Variants in SPATA31D1 observed in about 807,000 individuals in gnomAD.
The protein encoded by SPATA31D1 is spermatogenesis-associated protein 31D1.
Under a neutral mutation model 13.2 loss-of-function variants are expected in SPATA31D1, and 6 were observed. The observed-to-expected ratio is 0.46, with a 90% CI of 0.25 to 0.90. SPATA31D1 has a LOEUF of 0.90. Among genes scored for constraint, SPATA31D1 ranks in the 40% least tolerant of loss-of-function variants. The probability of loss-of-function intolerance (pLI) is 0.18; values close to 1 mark genes in which losing one functional copy is unlikely to be tolerated. For missense variants in SPATA31D1, 2,445 were observed against 1,884.7 expected (o/e 1.30, Z -5.50); for synonymous variants, 903 against 718.8 (o/e 1.26, Z -4.10).
At chr9:81,988,399 T>G (rs943883395), upstream of SPATA31D1, among the ~76,000 whole-genome samples, 6 of 152,218 alleles carry the variant, frequency 3.9e-5, no homozygotes, top group Non-Finnish European at 1.5e-5. Flanking sequence ...TGAGGACATA[T>G]GTGATCCTGA....
At chr9:81,987,407 C>T (rs148654411), upstream of SPATA31D1, among the ~76,000 whole-genome samples, 26 of 152,314 alleles carry the variant, frequency 1.7e-4, no homozygotes, top group Admixed American at 1.4e-3. Flanking sequence ...TGAAAACCCA[C>T]TCATAACTGC....
chr9:81,991,506 A>G lies in SPATA31D1; in HGVS notation c.1036A>G (p.Ile346Val). ...CACCTCTGCCCCAACAATCAAAGGC[A>G]TTGACCATTCACACCTTGCATCTTC... ...SSTSAPTIKG[I>V]DHSHLASSEF... Residue 346 changes from isoleucine (I) to valine (V), a missense_variant, in exon 4 of 4, where the codon ATT (isoleucine) becomes GTT (valine). Transcript: ENST00000344803. The G allele has an allele frequency of 1.2e-5, 20 of 1,614,028 alleles. No individual in the cohort carries two copies. The highest frequency in any genetic ancestry group is 1.7e-5 in the Non-Finnish European group (20 of 1,179,900).
At position 81,994,408 on chromosome 9, in the gene SPATA31D1, C is replaced by A; in HGVS notation, c.3938C>A (p.Thr1313Lys). 8.1e-6 allele frequency: 13 copies of A among 1,613,848 alleles called. No individual in the cohort carries two copies. The highest frequency in any genetic ancestry group is 1.1e-5 in the Non-Finnish European group (13 of 1,179,836). ...GATGGAGGGGATGCAGGGCTGGGGA[C>A]ATCCCAACGCAGGAGAAAGAGCCTC... ...ELDGGDAGLG[T>K]SQRRRKSLPV... The change falls in exon 4 of 4, where the codon ACA (threonine) becomes AAA (lysine). Residue 1313 changes from threonine (T) to lysine (K), a missense_variant. Coordinates refer to ENST00000344803, the MANE Select transcript of SPATA31D1 (RefSeq NM_001001670.3).
rs1824929313 is a variant in SPATA31D1, at chr9:81,990,473, T to G, written c.289T>G (p.Ser97Ala). 1 of 1,606,434 alleles carries G rather than the reference T, an allele frequency of 6.2e-7. No individual in the cohort carries two copies. Among genetic ancestry groups the G allele is most frequent in the Non-Finnish European group, 8.5e-7 (1 of 1,176,206 alleles). Residue 97 changes from serine to alanine, a missense_variant, in exon 3 of 4, where the codon TCT becomes GCT. Coordinates refer to ENST00000344803, the MANE Select transcript of SPATA31D1 (RefSeq NM_001001670.3). ...AGAGGAAGAGGAAAGGAAGCTGCTTTCTCTTCTGAAAAGGTGATTAATCTT... is the reference window on the plus strand; with the variant it reads ...AGAGGAAGAGGAAAGGAAGCTGCTTGCTCTTCTGAAAAGGTGATTAATCTT... ...REEEEERKLLSLLKSFGPPVS... is the reference protein window; with the variant it reads ...REEEEERKLLALLKSFGPPVS...
In SPATA31D1 at chr9:81,993,802, G is replaced by A. The variant is rs1281224262; in HGVS notation, c.3332G>A (p.Cys1111Tyr). ...SQKQTVLASRCSAELPIMQAG... is the reference protein window; with the variant it reads ...SQKQTVLASRYSAELPIMQAG... ...AAACAGACTGTACTGGCCAGTAGATGCAGCGCAGAGCTGCCCATAATGCAA... is the reference window on the plus strand; with the variant it reads ...AAACAGACTGTACTGGCCAGTAGATACAGCGCAGAGCTGCCCATAATGCAA... The change falls in exon 4 of 4, where the codon TGC becomes TAC. Residue 1111 changes from cysteine to tyrosine, a missense_variant. Coordinates refer to ENST00000344803, the MANE Select transcript of SPATA31D1 (RefSeq NM_001001670.3). 4 of 1,614,044 alleles carry A rather than the reference G, an allele frequency of 2.5e-6. No homozygotes were observed. The highest frequency in any genetic ancestry group is 2.5e-6 in the Non-Finnish European group (3 of 1,179,902).
Position 81,993,423 on chromosome 9 carries a change from C to T in SPATA31D1, c.2953C>T (p.Arg985Cys), listed in dbSNP as rs766134898. 36 of 1,613,818 alleles carry T rather than the reference C, an allele frequency of 2.2e-5. No individual in the cohort carries two copies. Among genetic ancestry groups the T allele is most frequent in the Middle Eastern group, 1.6e-4 (1 of 6,084 alleles). Residue 985 changes from arginine to cysteine, a missense_variant, in exon 4 of 4, where the codon CGT becomes TGT. Arg to Cys is a radical substitution (Grantham distance 180, BLOSUM62 -3). Coordinates refer to ENST00000344803, the MANE Select transcript of SPATA31D1 (RefSeq NM_001001670.3). ...AACAAGCTCAGTCCCCATCCTTGAT[C>T]GTCCTCACCCTGTCTCCTCACCTGT... ...GTTSSVPILD[R>C]PHPVSSPVVQ...
In SPATA31D1 at chr9:81,988,995, C is replaced by T. The variant is rs1223982271; in HGVS notation, c.177C>T (p.Asp59=). 1 of 1,611,734 alleles carries T rather than the reference C, an allele frequency of 6.2e-7. No individual in the cohort carries two copies. Among genetic ancestry groups the T allele is most frequent in the East Asian group, 2.2e-5 (1 of 44,864 alleles). ...LYSSPTEKNN[D]IQKHQGRAKR... is the part of the protein sequence containing the mutation. ...CGTCACCCACCGAAAAAAATAATGA[C>T]ATCCAAAAGGTAAGGAACTGTGGGT... is the stretch of plus-strand genomic sequence containing the variant. The change falls in exon 1 of 4, where the codon GAC becomes GAT. Residue 59 remains aspartate (D), a synonymous_variant. Transcript: ENST00000344803.
chr9:81,993,227 C>T lies in SPATA31D1; in HGVS notation c.2757C>T (p.Pro919=). Residue 919 remains proline (P), a synonymous_variant, in exon 4 of 4, where the codon CCC becomes CCT. Coordinates refer to ENST00000344803, the MANE Select transcript of SPATA31D1 (RefSeq NM_001001670.3). ...GTATGAGGATGCTGTGGGGCCTTCC[C>T]CTCAAGGTCCTTGAATCCATAGAAA... ...TFRMRMLWGL[P]LKVLESIEIF... 1.2e-6 allele frequency: 2 copies of T among 1,613,980 alleles called. No individual in the cohort carries two copies. Among genetic ancestry groups the T allele is most frequent in the Non-Finnish European group, 8.5e-7 (1 of 1,179,890 alleles).
rs370326842 is a variant in SPATA31D1, at chr9:81,992,866, C to T, written c.2396C>T (p.Ser799Phe). Residue 799 changes from serine (S) to phenylalanine (F), a missense_variant, in exon 4 of 4, where the codon TCT becomes TTT. Coordinates refer to ENST00000344803, the MANE Select transcript of SPATA31D1 (RefSeq NM_001001670.3). ...PETSSDKDLR[S>F]NSERDLETHM... Reference sequence around the variant, plus strand: ...ACTTCTTCAGACAAGGATCTGAGGTCTAACTCTGAGAGAGACCTAGAAACT... The same window carrying T: ...ACTTCTTCAGACAAGGATCTGAGGTTTAACTCTGAGAGAGACCTAGAAACT... 15 of 1,613,686 alleles carry T rather than the reference C, an allele frequency of 9.3e-6. No individual in the cohort carries two copies. In the African/African-American group the frequency reaches 1.6e-4, roughly 17 times the overall value.
At position 81,990,859 on chromosome 9, in the gene SPATA31D1, G is replaced by A. The variant is rs201852680; in HGVS notation, c.389G>A (p.Cys130Tyr). The A allele has an allele frequency of 2.5e-6, 4 of 1,613,848 alleles. No individual in the cohort carries two copies. The highest frequency in any genetic ancestry group is 3.4e-6 in the Non-Finnish European group (4 of 1,179,902). Residue 130 changes from cysteine (C) to tyrosine (Y), a missense_variant, in exon 4 of 4, where the codon TGT (cysteine) becomes TAT (tyrosine). By Grantham distance (194) the Cys-to-Tyr change is radical (BLOSUM62 -2). Coordinates refer to ENST00000344803, the MANE Select transcript of SPATA31D1 (RefSeq NM_001001670.3). ...FRRLLCPDPV[C>Y]RVCKRATADI... ...CGACTGTTATGCCCAGACCCCGTCT[G>A]TCGGGTGTGTAAGAGAGCAACTGCT...
In SPATA31D1 at chr9:81,993,043, A is replaced by G. The variant is rs1191268926; in HGVS notation, c.2573A>G (p.Lys858Arg). Reference protein sequence around the residue: ...GTVHSSWHSVKQTMSLPEKSH... With the variant: ...GTVHSSWHSVRQTMSLPEKSH... The stretch of plus-strand genomic sequence containing the variant: ...GTGCATAGTTCATGGCACTCAGTCA[A>G]GCAGACAATGTCTCTTCCTGAGAAA... The change falls in exon 4 of 4, where the codon AAG becomes AGG. Residue 858 changes from lysine (K) to arginine (R), a missense_variant. Lys to Arg is a conservative substitution (Grantham distance 26). Transcript: ENST00000344803. 2 of 1,613,680 alleles carry G rather than the reference A, an allele frequency of 1.2e-6. No individual in the cohort carries two copies. Among genetic ancestry groups the G allele is most frequent in the African/African-American group, 2.7e-5 (2 of 74,920 alleles).
In SPATA31D1 at chr9:81,993,656, G is replaced by A. The variant is rs751871869; in HGVS notation, c.3186G>A (p.Gly1062=). 6.2e-7 allele frequency: 1 copy of A among 1,613,864 alleles called. No individual in the cohort carries two copies. Among genetic ancestry groups the A allele is most frequent in the African/African-American group, 1.3e-5 (1 of 74,916 alleles). ...CACCTGTCAACCAAGAAAAGCAGGG[G>A]ACCCTGAGAAGAGAATTCTCTGATA... ...VTSPVNQEKQ[G]TLRREFSDTD... The change falls in exon 4 of 4, where the codon GGG becomes GGA. Residue 1062 remains glycine (G), a synonymous_variant. Coordinates refer to ENST00000344803, the MANE Select transcript of SPATA31D1 (RefSeq NM_001001670.3).
At position 81,992,229 on chromosome 9, in the gene SPATA31D1, C is replaced by G; in HGVS notation, c.1759C>G (p.Pro587Ala). The G allele has an allele frequency of 6.2e-7, 1 of 1,613,784 alleles. No homozygotes were observed. The highest frequency in any genetic ancestry group is 8.5e-7 in the Non-Finnish European group (1 of 1,179,732). ...QVKSLAQPQS[P>A]FRALLPSPLF... The stretch of plus-strand genomic sequence containing the variant: ...GAAGTCCCTGGCTCAACCTCAATCT[C>G]CATTCCGAGCCCTACTACCTAGTCC... The change falls in exon 4 of 4, where the codon CCA (proline) becomes GCA (alanine). Residue 587 changes from proline (P) to alanine (A), a missense_variant. Pro to Ala is a conservative substitution (Grantham distance 27). Transcript: ENST00000344803.
In SPATA31D1 at chr9:81,994,298, C is replaced by G. The variant is rs1564175930; in HGVS notation, c.3828C>G (p.Thr1276=). 15 of 1,613,986 alleles carry G rather than the reference C, an allele frequency of 9.3e-6. No homozygotes were observed. Among genetic ancestry groups the G allele is most frequent in the Non-Finnish European group, 1.2e-5 (14 of 1,179,888 alleles). Residue 1276 remains threonine (T), a synonymous_variant, in exon 4 of 4, where the codon ACC becomes ACG. Transcript: ENST00000344803. ...VAQKQEPRVP[T]CVLQKCQVTN... Reference sequence around the variant, plus strand: ...AGAAGCAGGAGCCCAGGGTCCCTACCTGTGTCTTACAGAAGTGTCAAGTTA... The same window carrying G: ...AGAAGCAGGAGCCCAGGGTCCCTACGTGTGTCTTACAGAAGTGTCAAGTTA...
In SPATA31D1 at chr9:81,994,743, A is replaced by C. The variant is rs1459995160; in HGVS notation, c.4273A>C (p.Ile1425Leu). Residue 1425 changes from isoleucine to leucine, a missense_variant, in exon 4 of 4, where the codon ATC becomes CTC. Ile to Leu is a conservative substitution (Grantham distance 5). Transcript: ENST00000344803. ...EKLGHRHGID[I>L]TCPQEPLSFP... ...GCTGGGGCATAGGCATGGGATAGAT[A>C]TCACCTGTCCCCAAGAGCCCCTTTC... The C allele has an allele frequency of 6.2e-7, 1 of 1,613,958 alleles. No homozygotes were observed. Among genetic ancestry groups the C allele is most frequent in the Admixed American group, 1.7e-5 (1 of 60,020 alleles).
rs753805850 is a variant in SPATA31D1 at position 81,990,977 on chromosome 9, G to A, written c.507G>A (p.Ser169=). The change falls in exon 4 of 4, where the codon TCG becomes TCA. Residue 169 remains serine (S), a synonymous_variant. Transcript: ENST00000344803. The part of the protein sequence containing the change: ...LASSASATES[S]FTLASTPSAT... The stretch of plus-strand genomic sequence containing the variant: ...CTTCGGCTTCTGCGACTGAGTCATC[G>A]TTCACTCTGGCTTCCACCCCCTCAG... 117 of 1,613,610 alleles carry A rather than the reference G, an allele frequency of 7.3e-5. No homozygotes were observed. Among genetic ancestry groups the A allele is most frequent in the East Asian group, 4.7e-4 (21 of 44,866 alleles).
chr9:81,989,730 G>A, intron 1 of SPATA31D1, 48 bp from the exon 2 acceptor site: 1 of 1,601,884 alleles, frequency 6.2e-7, no homozygotes, highest in Non-Finnish European at 8.5e-7. Flanking sequence ...TTCATAGAGA[G>A]TGAGAGAAGT....
rs1247051271 is a variant in SPATA31D1 at position 81,994,289 on chromosome 9, G to C, written c.3819G>C (p.Arg1273Ser). 1 of 1,613,938 alleles carries C rather than the reference G, an allele frequency of 6.2e-7. No individual in the cohort carries two copies. Among genetic ancestry groups the C allele is most frequent in the Non-Finnish European group, 8.5e-7 (1 of 1,179,878 alleles). ...GTGTGGCACAGAAGCAGGAGCCCAG[G>C]GTCCCTACCTGTGTCTTACAGAAGT... ...GIRVAQKQEP[R>S]VPTCVLQKCQ... The change falls in exon 4 of 4, where the codon AGG becomes AGC. Residue 1273 changes from arginine (R) to serine (S), a missense_variant. Physicochemically the swap from Arg to Ser is moderately radical, Grantham distance 110. Coordinates refer to ENST00000344803, the MANE Select transcript of SPATA31D1 (RefSeq NM_001001670.3).
chr9:81,990,630 G>A (rs1824933290), intron 3 of SPATA31D1, 143 bp from the exon 4 acceptor site: 1 of 1,331,600 alleles, frequency 7.5e-7, no homozygotes, highest in Non-Finnish European at 1.0e-6. Context: ...GAATGTGTTG[G>A]GGAGAGGCTA....
Sources: gnomAD v4.1 joint callset for allele counts (sites outside exome capture counted in the v4.1 genomes callset) on GRCh38, gnomAD v4.1.1 for gene constraint, MANE v1.5 for transcripts, NCBI Gene and HGNC (gene_info 2026-07-23, HGNC 2026-07-21) for gene names.